Variants in ERV3-1 observed in about 807,000 individuals in gnomAD.
The protein encoded by ERV3-1 is endogenous retrovirus group 3 member 1, envelope.
A neutral mutation model predicts 24.6 loss-of-function variants in ERV3-1; 36 were observed. The observed-to-expected ratio is 1.47, with a 90% CI of 1.12 to 1.94. The LOEUF (loss-of-function observed/expected upper bound fraction) is 1.94. ERV3-1 is among the 30% of genes most tolerant of loss of function. The pLI is 0.00. For missense variants in ERV3-1, 578 were observed against 330.9 expected, an observed-to-expected ratio of 1.75 and a Z score of -5.79; for synonymous variants, 211 against 122.6, an observed-to-expected ratio of 1.72 and a Z score of -4.76.
At chr7:65,003,171 A>G (rs1786561035) in intron 1 of ERV3-1, among the ~76,000 whole-genome samples, 1 of 152,146 alleles carries the variant, frequency 6.6e-6, no homozygotes, top group Non-Finnish European at 1.5e-5. Context: ...GGTTTCCTAG[A>G]AAGAATGAAC....
chr7:65,000,966 T>C (rs1786507331), intron 1 of ERV3-1, among the ~76,000 whole-genome samples: 1 of 152,154 alleles, frequency 6.6e-6, no homozygotes, highest in Non-Finnish European at 1.5e-5. Flanking sequence ...TGTTCTCATT[T>C]CTAAGTAAGA....
At chr7:65,006,211 C>A (rs1786645036) in intron 1 of ERV3-1, 1 of 343,604 alleles carries the variant, frequency 2.9e-6, no homozygotes, top group African/African-American at 2.1e-5. Flanking sequence ...ACTCTGCATC[C>A]TGAGTCAGTA....
Position 64,990,489 on chromosome 7 carries a change from A to T in ERV3-1, c.*723T>A, listed in dbSNP as rs1205152805. On this transcript the variant is annotated 3_prime_UTR_variant, in exon 2 of 2. Coordinates refer to ENST00000394323, the MANE Select transcript of ERV3-1 (RefSeq NM_001007253.4). ...CAGGGGCAAGTCGGGTTTTTGGCGC[A>T]AAACCTGCGAGGTGAGAAAGCAGTC... 2 of 175,486 alleles carry T rather than the reference A, an allele frequency of 1.1e-5. No individual in the cohort carries two copies. The highest frequency in any genetic ancestry group is 2.4e-5 in the Non-Finnish European group (2 of 83,128). The allele number at this position is 175,486 out of a possible 1,614,324, so 10.9% of individuals were successfully genotyped here.
At position 65,006,665 on chromosome 7, in the gene ERV3-1, A is replaced by C; in HGVS notation, c.-513T>G. 2.7e-6 allele frequency: 4 copies of C among 1,499,588 alleles called. No individual in the cohort carries two copies. The highest frequency in any genetic ancestry group is 3.7e-6 in the Non-Finnish European group (4 of 1,081,618). The allele number at this position is 1,499,588 out of a possible 1,614,324, so 92.9% of individuals were successfully genotyped here. A position where few individuals can be genotyped will look rare whatever the true frequency, so the allele number is the denominator to read the frequency against. On this transcript the variant is annotated 5_prime_UTR_variant, in exon 1 of 2. Transcript: ENST00000394323. ...CACAGAGCAGTGAAGACTACACCAG[A>C]AGCTCCGGCTGCCGCCAGAGACAAA...
At chr7:65,004,868 A>ATTTT (rs56371820) in intron 1 of ERV3-1, 3 of 107,786 alleles carry the variant, frequency 2.8e-5, no homozygotes, top group African/African-American at 6.9e-5. Flanking sequence ...GCCAGGTTTG[A>ATTTT]TTTTTTTTTT....
rs1279844250 is a variant in ERV3-1, at chr7:64,990,414, A to G, written c.*798T>C. 5.4e-6 allele frequency: 1 copy of G among 185,664 alleles called. No individual in the cohort carries two copies. The highest frequency in any genetic ancestry group is 1.9e-4 in the East Asian group (1 of 5,202). 11.5% of individuals were successfully genotyped at this position (185,664 alleles called of 1,614,324 possible). On this transcript the variant is annotated 3_prime_UTR_variant, in exon 2 of 2. Coordinates refer to ENST00000394323, the MANE Select transcript of ERV3-1 (RefSeq NM_001007253.4). ...ACTGGCCCAGCGGATTAACATCCAA[A>G]GGCTGAGCCCTGAACAAAGACAGGG... is the stretch of plus-strand genomic sequence containing the variant.
intron 1 of ERV3-1, among the ~76,000 whole-genome samples, chr7:64,999,491 G>A (rs117992925): frequency 2.0e-4 from 31 of 152,172 alleles, no homozygotes; most frequent in African/African-American, 6.5e-4. Flanking sequence ...CAACAGGGGC[G>A]GGTCAGGTTT....
chr7:64,995,630 A>C (rs1786391634), intron 1 of ERV3-1, among the ~76,000 whole-genome samples: 1 of 152,168 alleles, frequency 6.6e-6, no homozygotes. Context: ...TTGGAGTTGG[A>C]AGTGCACAAA....
At chr7:65,004,564 T>C (rs1229244100) in intron 1 of ERV3-1, 3 of 152,208 alleles carry the variant, frequency 2.0e-5, no homozygotes, top group Non-Finnish European at 4.4e-5. Flanking sequence ...AAATATTTTC[T>C]TACCTTTTAA....
Position 64,993,204 on chromosome 7 carries a change from G to A in ERV3-1, c.-178C>T. 1.7e-6 allele frequency: 1 copy of A among 585,714 alleles called. No homozygotes were observed. 36.3% of individuals were successfully genotyped at this position (585,714 alleles called of 1,614,324 possible). Reference sequence around the variant, plus strand: ...CTAGTCAGCTTCTGGGGTGACTAGAGCAGGGCTGTTGTCTCCTCAAGCTTC... The same window carrying A: ...CTAGTCAGCTTCTGGGGTGACTAGAACAGGGCTGTTGTCTCCTCAAGCTTC... On this transcript the variant is annotated 5_prime_UTR_variant, in exon 2 of 2. Coordinates refer to ENST00000394323, the MANE Select transcript of ERV3-1 (RefSeq NM_001007253.4).
chr7:65,006,400 G>C lies in ERV3-1; in HGVS notation c.-389+141C>G. On this transcript the variant is annotated intron_variant, in intron 1 of 1. Coordinates refer to ENST00000394323, the MANE Select transcript of ERV3-1 (RefSeq NM_001007253.4). ...CATCCTATGGCTGAAGGGGACTGAG[G>C]GCCGAGCTGCGCCAAGGAGAACTCG... 3 of 1,370,206 alleles carry C rather than the reference G, an allele frequency of 2.2e-6. No homozygotes were observed. In the South Asian group the frequency reaches 3.6e-5, roughly 17 times the overall value. 84.9% of individuals were successfully genotyped at this position (1,370,206 alleles called of 1,614,324 possible). A position where few individuals can be genotyped will look rare whatever the true frequency, so the allele number is the denominator to read the frequency against.
At position 64,992,198 on chromosome 7, in the gene ERV3-1, C is replaced by T. The variant is rs142770505; in HGVS notation, c.829G>A (p.Ala277Thr). 894 of 766,272 alleles carry T rather than the reference C, an allele frequency of 1.2e-3. 4 individuals are homozygous for T. The highest frequency in any genetic ancestry group is 0.012 in the African/African-American group (688 of 59,178). The allele number at this position is 766,272 out of a possible 1,614,324, so 47.5% of individuals were successfully genotyped here. ...CTGGCTATGTTTTCAGCCAGTTGGGCGAATAAATTACTGGCCAAGGGAGGG... is the reference window on the plus strand; with the variant it reads ...CTGGCTATGTTTTCAGCCAGTTGGGTGAATAAATTACTGGCCAAGGGAGGG... ...EPPPLASNLF[A>T]QLAENIASSL... The change falls in exon 2 of 2, where the codon GCC (alanine) becomes ACC (threonine). Residue 277 changes from alanine (A) to threonine (T), a missense_variant. Ala to Thr is a moderately conservative substitution (Grantham distance 58, BLOSUM62 0). Coordinates refer to ENST00000394323, the MANE Select transcript of ERV3-1 (RefSeq NM_001007253.4).
intron 1 of ERV3-1, among the ~76,000 whole-genome samples, chr7:64,996,703 C>G (rs1297142219): frequency 1.3e-5 from 2 of 152,212 alleles, no homozygotes; most frequent in Non-Finnish European, 2.9e-5. Flanking sequence ...CAAAGACACA[C>G]CTCCTTGGCT....
At chr7:65,002,918 T>C (rs914874638) in intron 1 of ERV3-1, among the ~76,000 whole-genome samples, 3 of 152,220 alleles carry the variant, frequency 2.0e-5, no homozygotes, top group East Asian at 1.9e-4. Flanking sequence ...CTTCGTTCTG[T>C]TGCAACACTC....
chr7:65,001,076 C>G (rs1786509888), intron 1 of ERV3-1, among the ~76,000 whole-genome samples: 1 of 151,862 alleles, frequency 6.6e-6, no homozygotes. Flanking sequence ...CAAAGAATAC[C>G]TGTTTGGTGC....
At chr7:64,996,918 A>C (rs1451244449) in intron 1 of ERV3-1, among the ~76,000 whole-genome samples, 1 of 152,162 alleles carries the variant, frequency 6.6e-6, no homozygotes, top group Admixed American at 6.5e-5. Flanking sequence ...TAATCTTCAT[A>C]TTCTCCAGTT....
At position 64,992,944 on chromosome 7, in the gene ERV3-1, C is replaced by T. The variant is rs748603626; in HGVS notation, c.83G>A (p.Cys28Tyr). 2 of 766,316 alleles carry T rather than the reference C, an allele frequency of 2.6e-6. No individual in the cohort carries two copies. 47.5% of individuals were successfully genotyped at this position (766,316 alleles called of 1,614,324 possible). Residue 28 changes from cysteine (C) to tyrosine (Y), a missense_variant, in exon 2 of 2, where the codon TGC becomes TAC. Transcript: ENST00000394323. Reference protein sequence around the residue: ...SMLKGEPWEGCLHCTHTTWSG... With the variant: ...SMLKGEPWEGYLHCTHTTWSG... ...CCACGTAGTGTGGGTGCAGTGGAGG[C>T]ATCCCTCCCAGGGTTCTCCTTTTAA...
chr7:64,997,496 T>C (rs1786429230), intron 1 of ERV3-1, among the ~76,000 whole-genome samples: 1 of 152,190 alleles, frequency 6.6e-6, no homozygotes, highest in African/African-American at 2.4e-5. Flanking sequence ...TCCAAGATTT[T>C]CCCCGTGTTG....
chr7:65,000,095 A>G (rs143070854), intron 1 of ERV3-1, among the ~76,000 whole-genome samples: 82 of 152,336 alleles, frequency 5.4e-4, no homozygotes, highest in African/African-American at 1.9e-3. Context: ...ATACAAAGAC[A>G]TGCATGTTCA....
Sources: gnomAD v4.1 joint callset for allele counts (sites outside exome capture counted in the v4.1 genomes callset) on GRCh38, gnomAD v4.1.1 for gene constraint, MANE v1.5 for transcripts, NCBI Gene and HGNC (gene_info 2026-07-23, HGNC 2026-07-21) for gene names.